ZBBX: variants seen among roughly 807,000 people sequenced by gnomAD.
ZBBX encodes zinc finger B-box domain-containing protein 1.
In ZBBX, 101 loss-of-function variants were observed where a neutral mutation model predicts 108.5. The ratio of observed to expected loss-of-function variants is 0.93; its 90% confidence interval spans 0.79 to 1.10. The LOEUF (loss-of-function observed/expected upper bound fraction) is 1.10, where lower values mean the gene tolerates loss of function less well. ZBBX is among the 50% of genes least tolerant of loss of function. ZBBX has a pLI of 0.00. For missense variants in ZBBX, 1,009 were observed against 941.4 expected, an observed-to-expected ratio of 1.07 and a Z score of -0.94; for synonymous variants, 356 against 323.4, an observed-to-expected ratio of 1.10 and a Z score of -1.08.
At position 167,359,865 on chromosome 3, in the gene ZBBX, C is replaced by T; in HGVS notation, c.432+5G>A. 7.1e-7 allele frequency: 1 copy of T among 1,403,866 alleles called. No individual in the cohort carries two copies. 87.0% of individuals were successfully genotyped at this position (1,403,866 alleles called of 1,614,324 possible). On this transcript the variant is annotated splice_donor_5th_base_variant and intron_variant, in intron 8 of 21. Transcript: ENST00000675490. Reference sequence around the variant, plus strand: ...ATATGTATATATACTATATAACGTACATACCAGTAGAGCAGCTTTGTTCTC... The same window carrying T: ...ATATGTATATATACTATATAACGTATATACCAGTAGAGCAGCTTTGTTCTC...
At position 167,359,774 on chromosome 3, in the gene ZBBX, T is replaced by C. The variant is rs538885659; in HGVS notation, c.432+96A>G. 1.2e-3 allele frequency: 597 copies of C among 493,754 alleles called. 9 individuals are homozygous for C. The highest frequency in any genetic ancestry group is 1.3e-3 in the Middle Eastern group (3 of 2,356). 30.6% of individuals were successfully genotyped at this position (493,754 alleles called of 1,614,324 possible). On this transcript the variant is annotated intron_variant, in intron 8 of 21. Coordinates refer to ENST00000675490, the MANE Select transcript of ZBBX (RefSeq NM_001199201.2). ...GTATATGGCTACCAAGCAAGTTAAG[T>C]TGGGAGAGGTGTATGAGGCCATGTG...
chr3:167,294,096 A>G (rs1412828816), intron 18 of ZBBX, among the ~76,000 whole-genome samples: 1 of 152,232 alleles, frequency 6.6e-6, no homozygotes, highest in Admixed American at 6.5e-5. Context: ...GGAAGAATCA[A>G]TATCATGAAA....
At chr3:167,304,049 G>A (rs1733170786) in intron 17 of ZBBX, among the ~76,000 whole-genome samples, 3 of 152,122 alleles carry the variant, frequency 2.0e-5, no homozygotes, top group South Asian at 2.1e-4. Flanking sequence ...TATTTCGAAT[G>A]TTAGAAATTT....
the ZBBX span, among the ~76,000 whole-genome samples, chr3:167,227,556 C>A: frequency 6.6e-6 from 1 of 151,548 alleles, no homozygotes; most frequent in Non-Finnish European, 1.5e-5. Context: ...TCAAATCTAA[C>A]CTTTAGTTTC....
downstream of ZBBX, among the ~76,000 whole-genome samples, chr3:167,238,227 A>G (rs1184025614): frequency 6.6e-6 from 1 of 152,064 alleles, no homozygotes; most frequent in African/African-American, 2.4e-5. Flanking sequence ...CAAGATGCCA[A>G]AAGGGCTTTG....
At chr3:167,306,460 A>G (rs1199109000) in intron 16 of ZBBX, among the ~76,000 whole-genome samples, 2 of 152,230 alleles carry the variant, frequency 1.3e-5, no homozygotes, top group Non-Finnish European at 2.9e-5. Context: ...AAAGCTACAA[A>G]GTGAACAAGA....
intron 20 of ZBBX, among the ~76,000 whole-genome samples, chr3:167,261,553 G>T (rs1340653911): frequency 6.6e-6 from 1 of 151,884 alleles, no homozygotes; most frequent in Non-Finnish European, 1.5e-5. Context: ...CTGGAGTTGT[G>T]TACCTAGAAG....
Position 167,262,433 on chromosome 3 carries a change from G to A in ZBBX, c.2255-19790C>T, listed in dbSNP as rs1019927430. On this transcript the variant is annotated intron_variant, in intron 20 of 21. Transcript: ENST00000675490. ...GTTTTTGTTGGAACACTTTCAATAG[G>A]ATTGGTATAAGTTCTTCTTTAAATG... Among the ~76,000 whole-genome samples the A allele has an allele frequency of 4.6e-5, 7 of 152,312 alleles. No individual in the cohort carries two copies. The South Asian group carries it at 1.0e-3, about 23-fold the overall frequency.
At chr3:167,220,061 A>C in the ZBBX span, among the ~76,000 whole-genome samples, 1 of 152,080 alleles carries the variant, frequency 6.6e-6, no homozygotes, top group Non-Finnish European at 1.5e-5. Context: ...AAAATCCAAA[A>C]CCGGAACAGA....
intron 20 of ZBBX, among the ~76,000 whole-genome samples, chr3:167,278,349 C>A (rs1728080309): frequency 6.6e-6 from 1 of 151,156 alleles, no homozygotes; most frequent in East Asian, 1.9e-4. Flanking sequence ...TGATAAACCA[C>A]TAGCAAGACT....
the ZBBX span, among the ~76,000 whole-genome samples, chr3:167,191,006 G>A: frequency 3.3e-5 from 5 of 152,272 alleles, no homozygotes; most frequent in African/African-American, 1.2e-4. Flanking sequence ...GAACACCAAG[G>A]GGAATATAGA....
chr3:167,274,915 G>A (rs142399171), intron 20 of ZBBX, among the ~76,000 whole-genome samples: 127 of 152,276 alleles, frequency 8.3e-4, no homozygotes, highest in African/African-American at 2.9e-3. Context: ...TTGTGACCTT[G>A]TTTGACACAA....
chr3:167,246,706 T>A (rs913149743), intron 20 of ZBBX, among the ~76,000 whole-genome samples: 9 of 152,244 alleles, frequency 5.9e-5, no homozygotes, highest in African/African-American at 1.9e-4. Flanking sequence ...CTAATACTTT[T>A]TCACAATGTG....
In ZBBX at chr3:167,322,288, TAC is replaced by T. The variant is rs766740991; in HGVS notation, c.863-53_863-52del. 2.7e-5 allele frequency: 37 copies of T among 1,385,496 alleles called. 1 individual carries two copies. In the South Asian group the frequency reaches 6.0e-4, roughly 22 times the overall value. 85.8% of individuals were successfully genotyped at this position (1,385,496 alleles called of 1,614,324 possible). A position where few individuals can be genotyped will look rare whatever the true frequency, so the allele number is the denominator to read the frequency against. On this transcript the variant is annotated intron_variant, in intron 11 of 21. Coordinates refer to ENST00000675490, the MANE Select transcript of ZBBX (RefSeq NM_001199201.2). ...AATTAAAATAAGCAAGTTTACAAAT[TAC>T]TATATCTTCTCTTAAGATGTAGAAC...
intron 5 of ZBBX, among the ~76,000 whole-genome samples, chr3:167,367,783 T>C (rs889892023): frequency 6.6e-6 from 1 of 151,334 alleles, no homozygotes; most frequent in African/African-American, 2.4e-5. Flanking sequence ...TTCCATCACA[T>C]AATTATTAGT....
the ZBBX span, among the ~76,000 whole-genome samples, chr3:167,217,338 C>A: frequency 6.6e-6 from 1 of 152,056 alleles, no homozygotes; most frequent in Non-Finnish European, 1.5e-5. Flanking sequence ...GGAAGACATA[C>A]ATGAAAGCCA....
intron 18 of ZBBX, among the ~76,000 whole-genome samples, chr3:167,295,263 T>G (rs946449390): frequency 6.6e-6 from 1 of 152,108 alleles, no homozygotes; most frequent in South Asian, 2.1e-4. Flanking sequence ...TGCAGCACTG[T>G]TCACAATAGC....
At chr3:167,229,277 C>T in the ZBBX span, among the ~76,000 whole-genome samples, 3 of 151,768 alleles carry the variant, frequency 2.0e-5, no homozygotes, top group Admixed American at 1.3e-4. Flanking sequence ...AAATTTAACT[C>T]ATTCTTAAGA....
chr3:167,327,150 A>G (rs1737539676), intron 11 of ZBBX, among the ~76,000 whole-genome samples: 1 of 151,798 alleles, frequency 6.6e-6, no homozygotes, highest in South Asian at 2.1e-4. Context: ...AAAAAAAAAA[A>G]AAGAACGAAA....
Sources: gnomAD v4.1 joint callset for allele counts (sites outside exome capture counted in the v4.1 genomes callset) on GRCh38, gnomAD v4.1.1 for gene constraint, MANE v1.5 for transcripts, NCBI Gene and HGNC (gene_info 2026-07-23, HGNC 2026-07-21) for gene names.